ZNF385D: variants seen among roughly 807,000 people sequenced by gnomAD.
ZNF385D encodes zinc finger protein 385D.
Under a neutral mutation model 35.8 loss-of-function variants are expected in ZNF385D, and 15 were observed. The ratio of observed to expected loss-of-function variants is 0.42; its 90% confidence interval spans 0.28 to 0.64. The LOEUF (loss-of-function observed/expected upper bound fraction) is 0.64, where lower values mean the gene tolerates loss of function less well. Among genes scored for constraint, ZNF385D ranks in the 30% least tolerant of loss-of-function variants. ZNF385D has a pLI of 0.23. For missense variants in ZNF385D, 474 were observed against 494.6 expected (o/e 0.96, Z 0.39); for synonymous variants, 212 against 186.8 (o/e 1.13, Z -1.10).
intron 3 of ZNF385D, among the ~76,000 whole-genome samples, chr3:22,085,295 G>A (rs891797624): frequency 6.6e-6 from 1 of 152,072 alleles, no homozygotes; most frequent in Admixed American, 6.6e-5. Context: ...CCAGAAGCTG[G>A]TTTTTTGAAA....
intron 1 of ZNF385D, among the ~76,000 whole-genome samples, chr3:21,707,234 A>T (rs1335171608): frequency 6.6e-6 from 1 of 152,222 alleles, no homozygotes; most frequent in African/African-American, 2.4e-5. Context: ...TACAAATCAC[A>T]TCATCTTTAT....
At chr3:21,491,997 C>T (rs190667509) in intron 4 of ZNF385D, among the ~76,000 whole-genome samples, 17 of 152,126 alleles carry the variant, frequency 1.1e-4, no homozygotes, top group Admixed American at 8.5e-4. Flanking sequence ...TACAACATAC[C>T]ATAGAGATTC....
chr3:21,545,116 A>C (rs1218159057), intron 3 of ZNF385D, among the ~76,000 whole-genome samples: 2 of 152,254 alleles, frequency 1.3e-5, no homozygotes, highest in African/African-American at 4.8e-5. Flanking sequence ...AACCATAGAG[A>C]TAACTAAACT....
intron 2 of ZNF385D, among the ~76,000 whole-genome samples, chr3:22,293,665 C>T (rs1185814543): frequency 2.0e-5 from 3 of 152,138 alleles, no homozygotes; most frequent in Non-Finnish European, 2.9e-5. Context: ...TGTTCCACAG[C>T]TTGGCATGAC....
intron 3 of ZNF385D, among the ~76,000 whole-genome samples, chr3:21,894,401 C>A (rs1361655038): frequency 1.3e-5 from 2 of 152,062 alleles, no homozygotes; most frequent in East Asian, 3.9e-4. Context: ...AATTTTTGAG[C>A]AAATGTTTGA....
At chr3:22,172,490 G>A (rs1459653678) in intron 2 of ZNF385D, among the ~76,000 whole-genome samples, 1 of 152,216 alleles carries the variant, frequency 6.6e-6, no homozygotes, top group Non-Finnish European at 1.5e-5. Context: ...TTAGTGCACT[G>A]TTCTGACGTA....
chr3:21,696,772 T>C (rs1399757930), intron 1 of ZNF385D, among the ~76,000 whole-genome samples: 1 of 152,150 alleles, frequency 6.6e-6, no homozygotes, highest in Non-Finnish European at 1.5e-5. Flanking sequence ...TGGGGGAAAA[T>C]CTACTCCTGA....
At chr3:21,973,538 T>C (rs1329704984) in intron 3 of ZNF385D, among the ~76,000 whole-genome samples, 2 of 152,042 alleles carry the variant, frequency 1.3e-5, no homozygotes, top group Non-Finnish European at 2.9e-5. Flanking sequence ...TCACCACTGT[T>C]ATTCAACATA....
chr3:21,428,405 CAGAA>C (rs1701121020), intron 5 of ZNF385D, among the ~76,000 whole-genome samples: 1 of 151,986 alleles, frequency 6.6e-6, no homozygotes, highest in African/African-American at 2.4e-5. Flanking sequence ...AAGTCCCTGG[CAGAA>C]AGAAAGGAGA....
At chr3:22,316,489 G>A (rs1703893792) in intron 2 of ZNF385D, among the ~76,000 whole-genome samples, 1 of 152,022 alleles carries the variant, frequency 6.6e-6, no homozygotes, top group Non-Finnish European at 1.5e-5. Context: ...AGACAAAAAA[G>A]GTAAATTTTT....
At chr3:22,245,053 A>G (rs1299809106) in intron 2 of ZNF385D, among the ~76,000 whole-genome samples, 1 of 152,146 alleles carries the variant, frequency 6.6e-6, no homozygotes, top group Non-Finnish European at 1.5e-5. Context: ...AAGTGAATAG[A>G]CGATCTATGC....
chr3:21,885,631 T>C (rs2023547), intron 3 of ZNF385D, among the ~76,000 whole-genome samples: 60,640 of 151,554 alleles, frequency 0.4, 12,310 homozygotes, highest in East Asian at 0.55. Flanking sequence ...ATATATTTTA[T>C]TGTTACTTTA....
chr3:21,698,553 A>G (rs1201483638), intron 1 of ZNF385D, among the ~76,000 whole-genome samples: 3 of 152,112 alleles, frequency 2.0e-5, no homozygotes, highest in Non-Finnish European at 4.4e-5. Context: ...AAACCTCACC[A>G]TTATGCAATA....
chr3:21,621,865 C>G (rs893321330), intron 2 of ZNF385D, among the ~76,000 whole-genome samples: 16 of 146,246 alleles, frequency 1.1e-4, no homozygotes, highest in African/African-American at 4.0e-4. Flanking sequence ...CCTGTTACCA[C>G]TGTGTGTGTG....
chr3:22,209,760 ATC>A (rs1697394605), intron 2 of ZNF385D, among the ~76,000 whole-genome samples: 1 of 2,596 alleles, frequency 3.9e-4, no homozygotes, highest in African/African-American at 2.7e-3. Context: ...TAAAAGAACA[ATC>A]ATTTTTTTTT....
At chr3:21,860,937 T>G (rs140323340) in intron 3 of ZNF385D, among the ~76,000 whole-genome samples, 67 of 152,286 alleles carry the variant, frequency 4.4e-4, no homozygotes, top group Middle Eastern at 3.4e-3. Flanking sequence ...CCCTGATTTC[T>G]TTTAGTCTCT....
chr3:21,918,214 C>T (rs1700287311), intron 3 of ZNF385D, among the ~76,000 whole-genome samples: 2 of 150,484 alleles, frequency 1.3e-5, no homozygotes, highest in African/African-American at 2.4e-5. Flanking sequence ...AATCTGCGTG[C>T]TATATGGTCT....
At chr3:22,299,332 G>T (rs1441826718) in intron 2 of ZNF385D, among the ~76,000 whole-genome samples, 3 of 151,502 alleles carry the variant, frequency 2.0e-5, no homozygotes, top group African/African-American at 7.3e-5. Context: ...AACACTTTAG[G>T]TTATTTTTGT....
intron 2 of ZNF385D, among the ~76,000 whole-genome samples, chr3:21,598,983 T>A (rs557513519): frequency 6.6e-6 from 1 of 152,332 alleles, no homozygotes; most frequent in African/African-American, 2.4e-5. Context: ...CTGCTTCCGA[T>A]GTTGCAATTA....
Sources: gnomAD v4.1 joint callset for allele counts (sites outside exome capture counted in the v4.1 genomes callset) on GRCh38, gnomAD v4.1.1 for gene constraint, MANE v1.5 for transcripts, NCBI Gene and HGNC (gene_info 2026-07-23, HGNC 2026-07-21) for gene names.